ARHGEF3: variants seen among roughly 807,000 people sequenced by gnomAD.
ARHGEF3 encodes 59.8 kDA protein.
A neutral mutation model predicts 63.2 loss-of-function variants in ARHGEF3; 28 were observed. That is an observed-to-expected ratio of 0.44 (90% confidence interval 0.33 to 0.61). The LOEUF is 0.61. ARHGEF3 is among the 20% of genes least tolerant of loss of function. ARHGEF3 has a pLI of 0.03. For synonymous variants in ARHGEF3, 266 were observed against 254.2 expected, an observed-to-expected ratio of 1.05 and a Z score of -0.44; for missense variants, 533 against 659.3, an observed-to-expected ratio of 0.81 and a Z score of 2.10.
At chr3:56,967,778 TTA>T (rs1385476092) in intron 2 of ARHGEF3, among the ~76,000 whole-genome samples, 4 of 86,924 alleles carry the variant, frequency 4.6e-5, no homozygotes, top group Admixed American at 2.2e-4. Flanking sequence ...ATATATTATA[TTA>T]TATGATTATA....
intron 2 of ARHGEF3, among the ~76,000 whole-genome samples, chr3:57,024,877 C>G (rs1283989969): frequency 6.6e-6 from 1 of 152,224 alleles, no homozygotes; most frequent in East Asian, 1.9e-4. Context: ...TAAAACAAAA[C>G]AAATGCAGGC....
At chr3:56,934,627 T>C (rs1012167782) in intron 3 of ARHGEF3, among the ~76,000 whole-genome samples, 2 of 151,914 alleles carry the variant, frequency 1.3e-5, no homozygotes, top group Non-Finnish European at 2.9e-5. Context: ...CTGCGGAGGG[T>C]GTACTGGGTC....
chr3:56,807,051 T>C (rs1032000995), intron 4 of ARHGEF3, among the ~76,000 whole-genome samples: 1 of 151,918 alleles, frequency 6.6e-6, no homozygotes, highest in Non-Finnish European at 1.5e-5. Context: ...GCCCGGCTAA[T>C]TTTTTGTGTT....
intron 6 of ARHGEF3, among the ~76,000 whole-genome samples, chr3:56,748,549 ATTTTTT>A (rs71072193): frequency 1.5e-5 from 2 of 136,684 alleles, no homozygotes; most frequent in Admixed American, 7.3e-5. Context: ...GAAAAAATCT[ATTTTTT>A]TTTTTTTTTT....
chr3:56,934,321 C>T (rs1296101673), intron 3 of ARHGEF3, among the ~76,000 whole-genome samples: 1 of 152,246 alleles, frequency 6.6e-6, no homozygotes, highest in East Asian at 1.9e-4. Context: ...TCAGAGCCCT[C>T]GCTTGCTCTT....
intron 4 of ARHGEF3, among the ~76,000 whole-genome samples, chr3:56,863,340 C>T (rs971433363): frequency 4.7e-5 from 7 of 150,358 alleles, no homozygotes; most frequent in East Asian, 2.0e-4. Context: ...CACTGTGTCG[C>T]CCAGGCTGGA....
At chr3:57,022,920 T>C (rs1177791872) in intron 2 of ARHGEF3, among the ~76,000 whole-genome samples, 2 of 152,220 alleles carry the variant, frequency 1.3e-5, no homozygotes, top group African/African-American at 2.4e-5. Context: ...ATGCCTGCCA[T>C]GATTTTCCTC....
intron 1 of ARHGEF3, among the ~76,000 whole-genome samples, chr3:57,076,240 C>G (rs919732632): frequency 6.6e-6 from 1 of 151,608 alleles, no homozygotes; most frequent in Non-Finnish European, 1.5e-5. Context: ...CATAACTTGG[C>G]CTTGAAGGGT....
At chr3:56,840,876 T>C (rs563986977) in intron 4 of ARHGEF3, among the ~76,000 whole-genome samples, 1 of 152,348 alleles carries the variant, frequency 6.6e-6, no homozygotes, top group East Asian at 1.9e-4. Flanking sequence ...AATGCTGCTT[T>C]ATTAAATTTC....
intron 4 of ARHGEF3, among the ~76,000 whole-genome samples, chr3:56,817,711 G>A (rs895434409): frequency 6.6e-6 from 1 of 152,228 alleles, no homozygotes; most frequent in African/African-American, 2.4e-5. Context: ...GAGGCTCAGA[G>A]AAGATAAGTA....
intron 2 of ARHGEF3, among the ~76,000 whole-genome samples, chr3:57,012,064 G>A (rs11130559): frequency 0.23 from 34,883 of 151,994 alleles, 4,506 homozygotes; most frequent in Non-Finnish European, 0.27. Flanking sequence ...TGCTCCCAAC[G>A]AGCTGTGCCA....
At chr3:57,055,777 C>T (rs551614887) in intron 1 of ARHGEF3, among the ~76,000 whole-genome samples, 2 of 152,192 alleles carry the variant, frequency 1.3e-5, no homozygotes, top group African/African-American at 4.8e-5. Context: ...TTCCTCCTCG[C>T]CCCTGAAGCC....
chr3:56,983,480 C>A (rs930766736), intron 2 of ARHGEF3, among the ~76,000 whole-genome samples: 1 of 152,188 alleles, frequency 6.6e-6, no homozygotes, highest in Non-Finnish European at 1.5e-5. Flanking sequence ...CTGCTGCAGA[C>A]ATAAAGCTTT....
intron 1 of ARHGEF3, among the ~76,000 whole-genome samples, chr3:57,055,897 CAT>C (rs1419199680): frequency 3.4e-4 from 52 of 152,268 alleles, no homozygotes; most frequent in Non-Finnish European, 6.2e-4. Flanking sequence ...GACAACTGCA[CAT>C]GAGTCAAAAT....
At chr3:57,002,176 G>C (rs1702222898) in intron 2 of ARHGEF3, among the ~76,000 whole-genome samples, 2 of 151,306 alleles carry the variant, frequency 1.3e-5, no homozygotes, top group African/African-American at 4.8e-5. Context: ...CTCCCAAAGT[G>C]TTGGGATTAC....
intron 3 of ARHGEF3, among the ~76,000 whole-genome samples, chr3:56,950,560 C>G (rs1485928566): frequency 6.6e-6 from 1 of 152,032 alleles, no homozygotes; most frequent in Non-Finnish European, 1.5e-5. Flanking sequence ...CAGAGAAATG[C>G]AAATCAAAAG....
At chr3:56,825,232 T>C (rs1042275203) in intron 4 of ARHGEF3, among the ~76,000 whole-genome samples, 5 of 152,212 alleles carry the variant, frequency 3.3e-5, no homozygotes, top group African/African-American at 1.2e-4. Context: ...TCAGCTAATA[T>C]TCCTGGCACA....
chr3:56,911,984 CAT>C (rs572912829), intron 3 of ARHGEF3, among the ~76,000 whole-genome samples: 4 of 150,626 alleles, frequency 2.7e-5, no homozygotes, highest in Non-Finnish European at 3.0e-5. Context: ...TATATACACA[CAT>C]ATATATATAC....
intron 1 of ARHGEF3, among the ~76,000 whole-genome samples, chr3:57,062,424 G>A (rs955411957): frequency 2.0e-5 from 3 of 152,194 alleles, no homozygotes; most frequent in Non-Finnish European, 4.4e-5. Context: ...GCCCCCACTC[G>A]GGCTCAGGCT....
Sources: allele counts gnomAD v4.1 joint callset (sites outside exome capture counted in the v4.1 genomes callset), GRCh38; gene constraint gnomAD v4.1.1; transcripts MANE v1.5; gene names NCBI Gene and HGNC (gene_info 2026-07-23, HGNC 2026-07-21).